PRKN: variants seen among roughly 807,000 people sequenced by gnomAD.
PRKN encodes the protein E3 ubiquitin-protein ligase parkin.
PRKN carries 56 observed loss-of-function variants against 59.5 expected under a neutral mutation model. That is an observed-to-expected ratio of 0.94 (90% CI 0.76 to 1.18). The LOEUF (loss-of-function observed/expected upper bound fraction) is 1.18. Ranked by LOEUF, PRKN falls within the 50% of genes most tolerant of loss-of-function variation. PRKN has a pLI of 0.00. For missense variants in PRKN, 657 were observed against 596.4 expected (o/e 1.10, Z -1.06); for synonymous variants, 250 against 222.1 (o/e 1.13, Z -1.12).
chr6:162,584,678 T>G (rs990136134), intron 1 of PRKN, among the ~76,000 whole-genome samples: 11 of 151,934 alleles, frequency 7.2e-5, no homozygotes, highest in African/African-American at 2.7e-4. Context: ...TATAAATGGA[T>G]TTTCAGAAAT....
At chr6:161,797,480 G>A (rs963886351) in intron 6 of PRKN, among the ~76,000 whole-genome samples, 1 of 152,168 alleles carries the variant, frequency 6.6e-6, no homozygotes, top group Non-Finnish European at 1.5e-5. Flanking sequence ...GGCCAGGCTG[G>A]TCTCAAGCTC....
chr6:162,347,877 C>T (rs1784469427), intron 2 of PRKN, among the ~76,000 whole-genome samples: 1 of 152,074 alleles, frequency 6.6e-6, no homozygotes, highest in African/African-American at 2.4e-5. Context: ...GAGACAGAAA[C>T]AAATAAGGTG....
chr6:162,272,720 G>T (rs1007396934), intron 2 of PRKN, among the ~76,000 whole-genome samples: 3 of 152,082 alleles, frequency 2.0e-5, no homozygotes, highest in Admixed American at 1.3e-4. Flanking sequence ...ATTATGGGCT[G>T]GGTGCGGTGG....
intron 5 of PRKN, among the ~76,000 whole-genome samples, chr6:161,996,761 A>G (rs983963867): frequency 3.3e-5 from 5 of 152,178 alleles, no homozygotes; most frequent in Non-Finnish European, 7.3e-5. Context: ...AGTATGAAAA[A>G]CAGCCTACCC....
At chr6:162,720,438 CTTTTTTT>C (rs148313968) in intron 1 of PRKN, among the ~76,000 whole-genome samples, 4 of 90,098 alleles carry the variant, frequency 4.4e-5, no homozygotes, top group Admixed American at 1.3e-4. Context: ...CATAGATGGT[CTTTTTTT>C]TTTTTTTTTT....
At chr6:162,381,857 C>A (rs1377629181) in intron 2 of PRKN, among the ~76,000 whole-genome samples, 1 of 152,116 alleles carries the variant, frequency 6.6e-6, no homozygotes, top group African/African-American at 2.4e-5. Context: ...CGTCCTTAGA[C>A]TTCAGGCATA....
At chr6:162,577,156 T>C (rs1045687481) in intron 1 of PRKN, among the ~76,000 whole-genome samples, 2 of 151,880 alleles carry the variant, frequency 1.3e-5, no homozygotes, top group African/African-American at 4.8e-5. Context: ...CTTCAATCTA[T>C]AAAAAGCTCT....
intron 9 of PRKN, among the ~76,000 whole-genome samples, chr6:161,510,419 G>A (rs971923187): frequency 9.3e-5 from 14 of 151,058 alleles, no homozygotes; most frequent in East Asian, 3.9e-4. Context: ...GTGAGGCATC[G>A]TGAAGTGTGA....
At chr6:161,906,659 C>CATATATATATATATATATATAT (rs144796790) in intron 6 of PRKN, among the ~76,000 whole-genome samples, 1,893 of 115,476 alleles carry the variant, frequency 0.016, 111 homozygotes, top group African/African-American at 0.024. Context: ...ATAGAACATA[C>CATATATATATATATATATATAT]ATATATATAT....
chr6:162,154,482 A>G (rs7747176), intron 4 of PRKN, among the ~76,000 whole-genome samples: 2,890 of 151,992 alleles, frequency 0.019, 89 homozygotes, highest in African/African-American at 0.065. Context: ...GATCAAGAAA[A>G]TACTGAATGG....
intron 7 of PRKN, among the ~76,000 whole-genome samples, chr6:161,596,053 G>A (rs1781900696): frequency 6.6e-6 from 1 of 152,194 alleles, no homozygotes; most frequent in Non-Finnish European, 1.5e-5. Flanking sequence ...CAGACATGGG[G>A]TCGGGGTGAG....
At chr6:161,785,965 C>T (rs747151732) in intron 6 of PRKN, 57 bp from the exon 7 acceptor site, 39 of 1,587,688 alleles carry the variant, frequency 2.5e-5, no homozygotes, top group Non-Finnish European at 3.2e-5. Context: ...AAAGGCAGCA[C>T]GTGCTTTAGA....
At chr6:161,768,901 G>A (rs1361981545) in intron 7 of PRKN, among the ~76,000 whole-genome samples, 1 of 152,182 alleles carries the variant, frequency 6.6e-6, no homozygotes, top group Non-Finnish European at 1.5e-5. Flanking sequence ...CAGAGTGGTA[G>A]CCTCAGTAAT....
At chr6:162,087,761 T>G (rs1021501959) in intron 4 of PRKN, among the ~76,000 whole-genome samples, 2 of 151,816 alleles carry the variant, frequency 1.3e-5, no homozygotes, top group East Asian at 1.9e-4. Flanking sequence ...GCCCAGCTAA[T>G]TTTTCTATTT....
At chr6:161,996,944 T>C (rs909923847) in intron 5 of PRKN, among the ~76,000 whole-genome samples, 2 of 152,090 alleles carry the variant, frequency 1.3e-5, no homozygotes, top group African/African-American at 2.4e-5. Context: ...CCCCTTGACA[T>C]TGGACTCATA....
chr6:162,627,004 A>G (rs2128221905), intron 1 of PRKN, among the ~76,000 whole-genome samples: 1 of 152,314 alleles, frequency 6.6e-6, no homozygotes, highest in South Asian at 2.1e-4. Flanking sequence ...TAAACGTAGT[A>G]TGTCCTGGAG....
chr6:162,476,862 G>T (rs893116113), intron 1 of PRKN, among the ~76,000 whole-genome samples: 2 of 152,176 alleles, frequency 1.3e-5, no homozygotes, highest in Non-Finnish European at 2.9e-5. Flanking sequence ...CAAAGGGAAG[G>T]GAGAGAGAGT....
chr6:161,505,094 C>G (rs13214477), intron 9 of PRKN, among the ~76,000 whole-genome samples: 1 of 151,498 alleles, frequency 6.6e-6, no homozygotes, highest in East Asian at 1.9e-4. Context: ...CCTGAGGAAT[C>G]GCCACACTGA....
At chr6:162,550,884 T>G (rs925625642) in intron 1 of PRKN, among the ~76,000 whole-genome samples, 2 of 152,118 alleles carry the variant, frequency 1.3e-5, no homozygotes, top group Non-Finnish European at 2.9e-5. Flanking sequence ...GACATTGACT[T>G]CAGGTCCTGG....
Sources: gnomAD v4.1 joint callset for allele counts (sites outside exome capture counted in the v4.1 genomes callset) on GRCh38, gnomAD v4.1.1 for gene constraint, MANE v1.5 for transcripts, NCBI Gene and HGNC (gene_info 2026-07-23, HGNC 2026-07-21) for gene names.